The following XAF1 variants were observed in gnomAD, a reference collection of about 807,000 sequenced individuals.
XAF1 encodes XIAP-associated factor 1.
Under a neutral mutation model 32.3 loss-of-function variants are expected in XAF1, and 32 were observed. That is an observed-to-expected ratio of 0.99 (90% CI 0.75 to 1.33). XAF1 has a LOEUF of 1.33. XAF1 is among the 40% of genes most tolerant of loss of function. XAF1 has a pLI of 0.00. For missense variants in XAF1, 379 were observed against 366.0 expected (o/e 1.04, Z -0.29); for synonymous variants, 120 against 125.9 (o/e 0.95, Z 0.31).
In XAF1 at chr17:6,770,929, G is replaced by T; in HGVS notation, c.794G>T (p.Arg265Met). 6.2e-7 allele frequency: 1 copy of T among 1,614,012 alleles called. No homozygotes were observed. The highest frequency in any genetic ancestry group is 2.2e-5 in the East Asian group (1 of 44,872). ...GATAAAGCAGCCTATGACATTCTGA[G>T]GAGATGTTCTCAGTGTGGCATCCTG... ...RGDKAAYDILRRCSQCGILLP... is the reference protein window; with the variant it reads ...RGDKAAYDILMRCSQCGILLP... Residue 265 changes from arginine (R) to methionine (M), a missense_variant, in exon 6 of 7, where the codon AGG (arginine) becomes ATG (methionine). Physicochemically the swap from Arg to Met is moderately conservative, Grantham distance 91. Transcript: ENST00000361842.
chr17:6,760,460 C>A lies in XAF1; in HGVS notation c.280C>A (p.Gln94Lys). The A allele has an allele frequency of 9.9e-6, 16 of 1,612,856 alleles. No individual in the cohort carries two copies. Among genetic ancestry groups the A allele is most frequent in the Non-Finnish European group, 1.3e-5 (15 of 1,179,542 alleles). The stretch of plus-strand genomic sequence containing the variant: ...GTGTAAGTTCTGCAAACTGGACATG[C>A]AGCTCAGCAAGCTGGAGCTCCACGA... ...VECKFCKLDM[Q>K]LSKLELHESY... The change falls in exon 4 of 7, where the codon CAG (glutamine) becomes AAG (lysine). Residue 94 changes from glutamine (Q) to lysine (K), a missense_variant. Gln to Lys is a moderately conservative substitution (Grantham distance 53). Transcript: ENST00000361842.
Position 6,770,963 on chromosome 17 carries a change from G to T in XAF1, c.828G>T (p.Leu276=). The change falls in exon 6 of 7, where the codon CTG becomes CTT. Residue 276 remains leucine, a synonymous_variant. Transcript: ENST00000361842. ...CTCAGTGTGGCATCCTGCTTCCCCTGCCGATCCTAAATCAACATCAGGTAC... is the reference window on the plus strand; with the variant it reads ...CTCAGTGTGGCATCCTGCTTCCCCTTCCGATCCTAAATCAACATCAGGTAC... ...RCSQCGILLP[L]PILNQHQEKC... is the part of the protein sequence containing the mutation. The T allele has an allele frequency of 6.2e-7, 1 of 1,614,056 alleles. No homozygotes were observed. Among genetic ancestry groups the T allele is most frequent in the East Asian group, 2.2e-5 (1 of 44,886 alleles).
intron 2 of XAF1, chr17:6,758,534 G>C (rs903460244): frequency 4.8e-6 from 2 of 416,256 alleles, no homozygotes; most frequent in South Asian, 2.2e-5. Flanking sequence ...CTGCAGGACA[G>C]ATGGGGTCTG....
rs1191822799 is a variant in XAF1 at position 6,774,529 on chromosome 17, T to A, written c.*1360T>A. ...ACGGAAAAAGATTTCATGACAAAGA[T>A]CCCAAAAATAATTGTAACGAAAGCA... On this transcript the variant is annotated 3_prime_UTR_variant, in exon 7 of 7. Coordinates refer to ENST00000361842, the MANE Select transcript of XAF1 (RefSeq NM_017523.5). The A allele has an allele frequency of 6.6e-6, 1 of 152,012 alleles. No individual in the cohort carries two copies. Among genetic ancestry groups the A allele is most frequent in the Non-Finnish European group, 1.5e-5 (1 of 68,000 alleles). 9.4% of individuals were successfully genotyped at this position (152,012 alleles called of 1,614,324 possible).
In XAF1 at chr17:6,759,675, T is replaced by C. The variant is rs1301245224; in HGVS notation, c.182T>C (p.Met61Thr). The C allele has an allele frequency of 6.2e-7, 1 of 1,613,430 alleles. No individual in the cohort carries two copies. Among genetic ancestry groups the C allele is most frequent in the Non-Finnish European group, 8.5e-7 (1 of 1,179,990 alleles). Residue 61 changes from methionine (M) to threonine (T), a missense_variant, in exon 3 of 7, where the codon ATG becomes ACG. Transcript: ENST00000361842. ...GTGTGTGTTTAGGTTGGGTGTACGA[T>C]GTGTCAGCAGAGCATGCAGAAGTCC... is the stretch of plus-strand genomic sequence containing the variant. ...KLEHQQVGCT[M>T]CQQSMQKSSL...
At chr17:6,756,139 C>T in intron 1 of XAF1, 29 bp downstream of exon 1, 1 of 1,613,900 alleles carries the variant, frequency 6.2e-7, no homozygotes, top group African/African-American at 1.3e-5. Flanking sequence ...CAGCGGCAGA[C>T]CCGGGCTGGC....
At chr17:6,770,028 GA>G (rs2151557780) in intron 5 of XAF1, among the ~76,000 whole-genome samples, 1 of 152,262 alleles carries the variant, frequency 6.6e-6, no homozygotes, top group Non-Finnish European at 1.5e-5. Flanking sequence ...GTGTGGATGG[GA>G]CTTTCCTGTC....
chr17:6,773,994 T>C lies in XAF1; in HGVS notation c.*825T>C, dbSNP rs1352422038. The C allele has an allele frequency of 6.6e-6, 1 of 152,156 alleles. No individual in the cohort carries two copies. Among genetic ancestry groups the C allele is most frequent in the African/African-American group, 2.4e-5 (1 of 41,414 alleles). 9.4% of individuals were successfully genotyped at this position (152,156 alleles called of 1,614,324 possible). ...TACCCAAAGCAATTTATAGATTCAA[T>C]GCTATTCCTATCAAACTACCAATAA... On this transcript the variant is annotated 3_prime_UTR_variant, in exon 7 of 7. Coordinates refer to ENST00000361842, the MANE Select transcript of XAF1 (RefSeq NM_017523.5).
Position 6,773,452 on chromosome 17 carries a change from C to G in XAF1, c.*283C>G, listed in dbSNP as rs1976207571. On this transcript the variant is annotated 3_prime_UTR_variant, in exon 7 of 7. Coordinates refer to ENST00000361842, the MANE Select transcript of XAF1 (RefSeq NM_017523.5). Reference sequence around the variant, plus strand: ...ATAAGAGCCATCTATGACAAAACCACAGCCAACATCATACTGAATGAGCAA... The same window carrying G: ...ATAAGAGCCATCTATGACAAAACCAGAGCCAACATCATACTGAATGAGCAA... The G allele has an allele frequency of 8.9e-6, 3 of 338,084 alleles. No homozygotes were observed. The South Asian group carries it at 1.1e-4, about 12-fold the overall frequency. 20.9% of individuals were successfully genotyped at this position (338,084 alleles called of 1,614,324 possible). A position where few individuals can be genotyped will look rare whatever the true frequency, so the allele number is the denominator to read the frequency against.
rs1442816326 is a variant in XAF1 at position 6,775,581 on chromosome 17, A to T, written c.*2412A>T. ...AGCCTCTGGGCCCTACAGCCTGGAG[A>T]ACCTGGAGAATCCTACACCCACAGA... On this transcript the variant is annotated 3_prime_UTR_variant, in exon 7 of 7. Transcript: ENST00000361842. 1 of 152,220 alleles carries T rather than the reference A, an allele frequency of 6.6e-6. No homozygotes were observed. The highest frequency in any genetic ancestry group is 1.5e-5 in the Non-Finnish European group (1 of 68,050). The allele number at this position is 152,220 out of a possible 1,614,324, so 9.4% of individuals were successfully genotyped here. A position where few individuals can be genotyped will look rare whatever the true frequency, so the allele number is the denominator to read the frequency against.
chr17:6,767,808 A>G (rs1239088141), intron 5 of XAF1, among the ~76,000 whole-genome samples: 1 of 151,870 alleles, frequency 6.6e-6, no homozygotes, highest in East Asian at 1.9e-4. Context: ...AGATTTCTTT[A>G]TTCTCTTTCT....
Position 6,772,912 on chromosome 17 carries a change from G to GGC in XAF1, c.850-201_850-200insGC, listed in dbSNP as rs1976162738. 8.1e-6 allele frequency: 4 copies of GGC among 495,030 alleles called. No individual in the cohort carries two copies. The East Asian group carries it at 1.5e-4, about 18-fold the overall frequency. The allele number at this position is 495,030 out of a possible 1,614,324, so 30.7% of individuals were successfully genotyped here. A position where few individuals can be genotyped will look rare whatever the true frequency, so the allele number is the denominator to read the frequency against. Reference sequence around the variant, plus strand: ...CCATCTGTCCCTCCACCCAGTGATAGCAACAGGCCCCTGTTAAACTTTGTC... The same window carrying GGC: ...CCATCTGTCCCTCCACCCAGTGATAGGCCAACAGGCCCCTGTTAAACTTTGTC... On this transcript the variant is annotated intron_variant, in intron 6 of 6. Coordinates refer to ENST00000361842, the MANE Select transcript of XAF1 (RefSeq NM_017523.5).
chr17:6,757,698 A>T (rs557722286), intron 1 of XAF1, among the ~76,000 whole-genome samples: 2 of 152,350 alleles, frequency 1.3e-5, no homozygotes, highest in Admixed American at 1.3e-4. Flanking sequence ...ATTGACCTAC[A>T]ATAAACCTCA....
At chr17:6,755,915 C>A, upstream of XAF1, 1 of 1,472,888 alleles carries the variant, frequency 6.8e-7, no homozygotes, top group East Asian at 2.5e-5. Flanking sequence ...AAAGGGGCTT[C>A]TTGGGAGGGT....
In XAF1 at chr17:6,770,776, C is replaced by A. The variant is rs1567662263; in HGVS notation, c.641C>A (p.Thr214Lys). 2 of 1,613,936 alleles carry A rather than the reference C, an allele frequency of 1.2e-6. No individual in the cohort carries two copies. The highest frequency in any genetic ancestry group is 2.7e-5 in the African/African-American group (2 of 74,896). Residue 214 changes from threonine to lysine, a missense_variant, in exon 6 of 7, where the codon ACA (threonine) becomes AAA (lysine). Transcript: ENST00000361842. ...ATGGAGAAAGATGTTCGTCCAAAGA[C>A]AAGAAGTATAAACAGATTTCCTCTT... ...STMEKDVRPKTRSINRFPLHS... is the reference protein window; with the variant it reads ...STMEKDVRPKKRSINRFPLHS...
intron 5 of XAF1, among the ~76,000 whole-genome samples, chr17:6,770,346 C>T (rs1214777572): frequency 6.6e-6 from 1 of 152,136 alleles, no homozygotes; most frequent in Non-Finnish European, 1.5e-5. Flanking sequence ...AAAGGGAGGA[C>T]CTTTCATGAT....
intron 4 of XAF1, among the ~76,000 whole-genome samples, chr17:6,760,824 G>A (rs1459153727): frequency 3.3e-5 from 5 of 152,280 alleles, no homozygotes; most frequent in East Asian, 1.9e-4. Context: ...CTAGGAGGCC[G>A]GGGCTAGAGC....
At chr17:6,772,292 T>A (rs2151563623) in intron 6 of XAF1, among the ~76,000 whole-genome samples, 1 of 152,230 alleles carries the variant, frequency 6.6e-6, no homozygotes, top group African/African-American at 2.4e-5. Flanking sequence ...AGAATTGTTT[T>A]TAGTGTAGGT....
chr17:6,763,322 C>T (rs745314046), intron 5 of XAF1, among the ~76,000 whole-genome samples: 1 of 151,954 alleles, frequency 6.6e-6, no homozygotes, highest in Admixed American at 6.6e-5. Context: ...CTTTTAATGG[C>T]CTTTTCTTTT....
Sources: gnomAD v4.1 joint callset for allele counts (sites outside exome capture counted in the v4.1 genomes callset) on GRCh38, gnomAD v4.1.1 for gene constraint, MANE v1.5 for transcripts, NCBI Gene and HGNC (gene_info 2026-07-23, HGNC 2026-07-21) for gene names.